The following ZNF805 variants were observed in gnomAD, a reference collection of about 807,000 sequenced individuals.
The protein encoded by ZNF805 is CTC-444N24.8.
A neutral mutation model predicts 13.6 loss-of-function variants in ZNF805; 7 were observed. That is an observed-to-expected ratio of 0.51 (90% CI 0.29 to 0.97). The LOEUF is 0.97. Among genes scored for constraint, ZNF805 ranks in the 50% least tolerant of loss-of-function variants. ZNF805 has a pLI of 0.08. For missense variants in ZNF805, 604 were observed against 771.0 expected (o/e 0.78, Z 2.57); for synonymous variants, 293 against 279.8 (o/e 1.05, Z -0.47).
Position 57,258,538 on chromosome 19 carries a change from G to A in ZNF805, c.*3835G>A, listed in dbSNP as rs1391844687. On this transcript the variant is annotated 3_prime_UTR_variant, in exon 4 of 4. Transcript: ENST00000414468. ...TGTATTTTTGTATTAATTTTTTAGT[G>A]GTTGCTTTAAGTAGTATAATGTACA... is the stretch of plus-strand genomic sequence containing the variant. Among the ~76,000 whole-genome samples the A allele has an allele frequency of 3.9e-5, 5 of 129,114 alleles. No individual in the cohort carries two copies. The highest frequency in any genetic ancestry group is 8.9e-5 in the African/African-American group (3 of 33,640). The allele number at this position is 129,114 out of a possible 152,430, so 84.7% of individuals were successfully genotyped here.
intron 3 of ZNF805, 110 bp from the exon 4 acceptor site, chr19:57,252,963 C>A (rs2087660368): frequency 2.0e-6 from 2 of 980,998 alleles, no homozygotes; most frequent in Non-Finnish European, 1.4e-6. Flanking sequence ...CAAAATATAA[C>A]AGACATAAAG....
At chr19:57,242,830 G>T (rs187540109) in intron 1 of ZNF805, among the ~76,000 whole-genome samples, 30 of 152,312 alleles carry the variant, frequency 2.0e-4, no homozygotes, top group Non-Finnish European at 1.6e-4. Flanking sequence ...GTAGATTCAC[G>T]TGGGTGGTGG....
chr19:57,245,732 TTG>T (rs2087613288), intron 2 of ZNF805, among the ~76,000 whole-genome samples: 4 of 151,712 alleles, frequency 2.6e-5, no homozygotes, highest in East Asian at 3.9e-4. Flanking sequence ...TGAGCTGAGA[TTG>T]CACCACTGCA....
At chr19:57,250,849 G>C (rs941324040) in intron 3 of ZNF805, among the ~76,000 whole-genome samples, 1 of 152,114 alleles carries the variant, frequency 6.6e-6, no homozygotes, top group Non-Finnish European at 1.5e-5. Flanking sequence ...CTTACCCTTG[G>C]CCACGGCCAG....
At position 57,257,698 on chromosome 19, in the gene ZNF805, C is replaced by CTTTTTTT. The variant is rs869290620; in HGVS notation, c.*3014_*3020dup. On this transcript the variant is annotated 3_prime_UTR_variant, in exon 4 of 4. Coordinates refer to ENST00000414468, the MANE Select transcript of ZNF805 (RefSeq NM_001023563.4). ...GTGGTTTTATATCCAGTTTGCGTATCTTTTTTTTTTTTTTTTTTTTTTTTT... is the reference window on the plus strand; with the variant it reads ...GTGGTTTTATATCCAGTTTGCGTATCTTTTTTTTTTTTTTTTTTTTTTTTTTTTTTTT... Among the ~76,000 whole-genome samples the CTTTTTTT allele has an allele frequency of 1.4e-4, 5 of 35,094 alleles. No individual in the cohort carries two copies. The highest frequency in any genetic ancestry group is 6.3e-4 in the African/African-American group (5 of 7,936). The allele number at this position is 35,094 out of a possible 152,430, so 23.0% of individuals were successfully genotyped here.
At position 57,257,999 on chromosome 19, in the gene ZNF805, C is replaced by A. The variant is rs972725553; in HGVS notation, c.*3296C>A. 7.3e-6 allele frequency among the ~76,000 whole-genome samples: 1 copy of A among 137,584 alleles called. No homozygotes were observed. The highest frequency in any genetic ancestry group is 1.5e-5 in the Non-Finnish European group (1 of 65,188). 90.3% of individuals were successfully genotyped at this position (137,584 alleles called of 152,430 possible). On this transcript the variant is annotated 3_prime_UTR_variant, in exon 4 of 4. Transcript: ENST00000414468. ...CTAGGATTACTGGTATGAGCAACCA[C>A]GCACAGCATTTTTTTTTTTTTTTTT...
chr19:57,244,893 G>A (rs1446273795), intron 2 of ZNF805, among the ~76,000 whole-genome samples: 1 of 151,928 alleles, frequency 6.6e-6, no homozygotes. Context: ...TCCACCTCCA[G>A]CTCATACTTG....
chr19:57,248,548 A>T, intron 2 of ZNF805, 57 bp from the exon 3 acceptor site: 1 of 1,409,760 alleles, frequency 7.1e-7, no homozygotes, highest in Non-Finnish European at 9.8e-7. Flanking sequence ...ACTAGATTGA[A>T]GGTCTTTATT....
At chr19:57,245,161 G>A (rs1196022982) in intron 2 of ZNF805, among the ~76,000 whole-genome samples, 1 of 152,180 alleles carries the variant, frequency 6.6e-6, no homozygotes, top group African/African-American at 2.4e-5. Context: ...CACATCCTCT[G>A]ATTCTAAAGT....
intron 2 of ZNF805, among the ~76,000 whole-genome samples, chr19:57,245,734 G>T (rs1205702942): frequency 6.6e-6 from 1 of 151,080 alleles, no homozygotes; most frequent in Non-Finnish European, 1.5e-5. Flanking sequence ...AGCTGAGATT[G>T]CACCACTGCA....
intron 3 of ZNF805, among the ~76,000 whole-genome samples, chr19:57,252,560 A>G (rs1012706739): frequency 2.6e-5 from 4 of 152,174 alleles, no homozygotes; most frequent in African/African-American, 9.7e-5. Context: ...AAACCCAGGA[A>G]ACTCACTGGA....
chr19:57,245,719 C>G (rs1295949532), intron 2 of ZNF805, among the ~76,000 whole-genome samples: 1 of 151,192 alleles, frequency 6.6e-6, no homozygotes, highest in South Asian at 2.1e-4. Flanking sequence ...GCGGAGCTTG[C>G]AGTGAGCTGA....
chr19:57,241,015 T>A, intron 1 of ZNF805, 94 bp downstream of exon 1: 1 of 1,377,170 alleles, frequency 7.3e-7, no homozygotes, highest in South Asian at 1.3e-5. Flanking sequence ...AGGATTCCTC[T>A]TTGTAGTTTT....
intron 2 of ZNF805, among the ~76,000 whole-genome samples, chr19:57,245,773 CA>C (rs2087614220): frequency 6.7e-6 from 1 of 148,312 alleles, no homozygotes; most frequent in African/African-American, 2.5e-5. Context: ...AGCGAGACTC[CA>C]TCTCAAAAAA....
chr19:57,243,391 T>C (rs2087591479), intron 1 of ZNF805, among the ~76,000 whole-genome samples: 1 of 152,150 alleles, frequency 6.6e-6, no homozygotes, highest in South Asian at 2.1e-4. Flanking sequence ...CTCATGTCTG[T>C]TATTGGGAAA....
chr19:57,248,541 AG>A, intron 2 of ZNF805, 63 bp from the exon 3 acceptor site: 2 of 1,374,788 alleles, frequency 1.5e-6, no homozygotes. Flanking sequence ...GTCCCAGACT[AG>A]ATTGAAGGTC....
At chr19:57,247,032 CTTT>C (rs11286084) in intron 2 of ZNF805, among the ~76,000 whole-genome samples, 20 of 138,294 alleles carry the variant, frequency 1.4e-4, no homozygotes, top group Admixed American at 1.4e-4. Context: ...CTCTTGTGAA[CTTT>C]TTTTTTTTTT....
chr19:57,246,575 C>T (rs1024848282), intron 2 of ZNF805, among the ~76,000 whole-genome samples: 6 of 151,880 alleles, frequency 4.0e-5, no homozygotes, highest in African/African-American at 1.2e-4. Context: ...CAGTTGATAG[C>T]GACCATCCTG....
At chr19:57,243,525 T>C (rs1002877415) in intron 1 of ZNF805, among the ~76,000 whole-genome samples, 1 of 152,228 alleles carries the variant, frequency 6.6e-6, no homozygotes, top group Non-Finnish European at 1.5e-5. Context: ...CTTCAGAGTT[T>C]GGGACTTGTA....
Sources: allele counts gnomAD v4.1 joint callset (sites outside exome capture counted in the v4.1 genomes callset), GRCh38; gene constraint gnomAD v4.1.1; transcripts MANE v1.5; gene names NCBI Gene and HGNC (gene_info 2026-07-23, HGNC 2026-07-21).